Variants in JAML observed in about 807,000 individuals in gnomAD.
The protein encoded by JAML is junctional adhesion molecule-like.
In JAML, 25 loss-of-function variants were observed where a neutral mutation model predicts 39.3. The ratio of observed to expected loss-of-function variants is 0.64; its 90% confidence interval spans 0.46 to 0.89. JAML has a LOEUF of 0.89. Ranked by LOEUF, JAML falls within the 40% of genes least tolerant of loss-of-function variation. JAML has a pLI of 0.00. For synonymous variants in JAML, 162 were observed against 179.2 expected (o/e 0.90, Z 0.77); for missense variants, 440 against 486.9 (o/e 0.90, Z 0.91).
intron 1 of JAML, among the ~76,000 whole-genome samples, chr11:118,217,015 C>T (rs537940705): frequency 2.6e-4 from 40 of 152,308 alleles, no homozygotes; most frequent in African/African-American, 9.4e-4. Flanking sequence ...GTTGTGCTCC[C>T]TCCTCTGCCC....
chr11:118,195,877 G>C lies in JAML; in HGVS notation c.1092+858C>G, dbSNP rs1021640079. Among the ~76,000 whole-genome samples, 5 of 152,246 alleles carry C rather than the reference G, an allele frequency of 3.3e-5. 1 individual carries two copies. On this transcript the variant is annotated intron_variant, in intron 9 of 9. Coordinates refer to ENST00000356289, the MANE Select transcript of JAML (RefSeq NM_001098526.2). ...ACAGGAGTCTCGCTCTGTTTCCCAG[G>C]CTGGAGTGCAGTGGCGCGATCTTAG...
At position 118,214,846 on chromosome 11, in the gene JAML, G is replaced by A; in HGVS notation, c.21C>T (p.Leu7=). The part of the protein sequence containing the change: MFCPLK[L]ILLPVLLDYS... ...TACCCAGTAACACTGGCAGCAGGAT[G>A]AGTTTCAGTGGGCAAAACATGCTGC... is the stretch of plus-strand genomic sequence containing the variant. The change falls in exon 2 of 10, where the codon CTC becomes CTT. Residue 7 remains leucine (L), a synonymous_variant. Coordinates refer to ENST00000356289, the MANE Select transcript of JAML (RefSeq NM_001098526.2). The A allele has an allele frequency of 6.2e-7, 1 of 1,614,132 alleles. No individual in the cohort carries two copies. The highest frequency in any genetic ancestry group is 8.5e-7 in the Non-Finnish European group (1 of 1,179,992).
rs1948698989 is a variant in JAML, at chr11:118,198,098, G to C, written c.912-7C>G. 6.2e-7 allele frequency: 1 copy of C among 1,611,904 alleles called. No homozygotes were observed. Among genetic ancestry groups the C allele is most frequent in the Non-Finnish European group, 8.5e-7 (1 of 1,178,196 alleles). ...GACTGTAGAATTCACTGAACTGCAA[G>C]ACATGAAAAGCATGTGGAATTAACC... On this transcript the variant is annotated splice_region_variant and splice_polypyrimidine_tract_variant and intron_variant, in intron 7 of 9. Coordinates refer to ENST00000356289, the MANE Select transcript of JAML (RefSeq NM_001098526.2).
intron 2 of JAML, 44 bp from the exon 3 acceptor site, chr11:118,212,605 C>G (rs1325691499): frequency 6.2e-7 from 1 of 1,600,972 alleles, no homozygotes; most frequent in South Asian, 1.1e-5. Context: ...TAGACAAATA[C>G]TCTCAACAAC....
intron 5 of JAML, chr11:118,204,859 A>T (rs1948884776): frequency 2.0e-5 from 3 of 152,214 alleles, no homozygotes; most frequent in Admixed American, 2.0e-4. Flanking sequence ...TATTGGCATT[A>T]AAAAAAGCCA....
chr11:118,207,874 CT>C (rs1158796434), intron 4 of JAML, among the ~76,000 whole-genome samples: 1 of 152,170 alleles, frequency 6.6e-6, no homozygotes, highest in Non-Finnish European at 1.5e-5. Context: ...CCCTCTGTGT[CT>C]CTTCTAAGCA....
Position 118,222,187 on chromosome 11 carries a change from G to A in JAML, c.-21+2754C>T, listed in dbSNP as rs1007423724. ...TCCTAGCACTTTGAGAGGCCAAGGT[G>A]GACAGATCGCTTGAGCCCAGGAGTT... On this transcript the variant is annotated intron_variant, in intron 1 of 9. Transcript: ENST00000356289. The surrounding 1 kb of genome is among the most constrained non-coding windows in gnomAD (Gnocchi z 4.2). Among the ~76,000 whole-genome samples the A allele has an allele frequency of 3.9e-5, 6 of 152,244 alleles. No homozygotes were observed. The highest frequency in any genetic ancestry group is 1.4e-4 in the African/African-American group (6 of 41,544).
chr11:118,207,831 T>C (rs1006108550), intron 4 of JAML, among the ~76,000 whole-genome samples: 1 of 152,152 alleles, frequency 6.6e-6, no homozygotes, highest in Non-Finnish European at 1.5e-5. Flanking sequence ...TTTCCATGGA[T>C]TCCTCAGCTC....
chr11:118,203,646 T>C lies in JAML; in HGVS notation c.554A>G (p.Tyr185Cys), dbSNP rs1366784689. The change falls in exon 6 of 10, where the codon TAC becomes TGC. Residue 185 changes from tyrosine to cysteine, a missense_variant. Physicochemically the swap from Tyr to Cys is radical, Grantham distance 194. Transcript: ENST00000356289. ...RRAKEEIVFR[Y>C]YHKLRMSVEY... Reference sequence around the variant, plus strand: ...CACAGACATCCTGAGTTTGTGGTAGTAACGAAATACAATCTCCTCCTAGAA... The same window carrying C: ...CACAGACATCCTGAGTTTGTGGTAGCAACGAAATACAATCTCCTCCTAGAA... The C allele has an allele frequency of 6.2e-7, 1 of 1,613,076 alleles. No homozygotes were observed. The highest frequency in any genetic ancestry group is 1.3e-5 in the African/African-American group (1 of 74,958).
intron 9 of JAML, among the ~76,000 whole-genome samples, chr11:118,196,391 G>T (rs902444607): frequency 6.6e-6 from 1 of 152,112 alleles, no homozygotes; most frequent in African/African-American, 2.4e-5. Flanking sequence ...GCCTCCCAAA[G>T]TGCTGGGATT....
chr11:118,195,286 AT>A (rs1948628282), intron 9 of JAML, among the ~76,000 whole-genome samples: 1 of 152,154 alleles, frequency 6.6e-6, no homozygotes, highest in African/African-American at 2.4e-5. Flanking sequence ...GGTGGAGTTA[AT>A]GTTTCACTCG....
At chr11:118,210,763 G>GA in intron 3 of JAML, 51 bp from the exon 4 acceptor site, 1 of 1,489,432 alleles carries the variant, frequency 6.7e-7, no homozygotes, top group Admixed American at 1.7e-5. Flanking sequence ...CCAGACCGAG[G>GA]AGCCTGGATC....
chr11:118,205,383 C>CCAGGAT (rs1487148916), intron 5 of JAML: 1 of 155,070 alleles, frequency 6.4e-6, no homozygotes, highest in Non-Finnish European at 1.4e-5. Context: ...ACCCTGGCCC[C>CCAGGAT]CAGGATCAAT....
chr11:118,194,500 T>G (rs1385875709), intron 9 of JAML, 83 bp from the exon 10 acceptor site: 42 of 1,077,780 alleles, frequency 3.9e-5, no homozygotes, highest in Non-Finnish European at 5.7e-5. Flanking sequence ...CATTGAGCTC[T>G]TCTCATGAGC....
intron 6 of JAML, chr11:118,202,362 G>A (rs1374322796): frequency 6.5e-6 from 1 of 153,378 alleles, no homozygotes; most frequent in African/African-American, 2.4e-5. Flanking sequence ...ATAGAATGGA[G>A]CTGGAGTAAT....
chr11:118,224,432 A>G (rs558123008), intron 1 of JAML, among the ~76,000 whole-genome samples: 2 of 152,366 alleles, frequency 1.3e-5, no homozygotes, highest in African/African-American at 2.4e-5. Context: ...AAACAGTGGT[A>G]TAACTATGTA....
At chr11:118,216,554 T>C (rs1407340299) in intron 1 of JAML, among the ~76,000 whole-genome samples, 1 of 152,082 alleles carries the variant, frequency 6.6e-6, no homozygotes, top group Non-Finnish European at 1.5e-5. Context: ...GGATTGATAA[T>C]GAAAGGATCT....
chr11:118,212,786 G>A (rs994969733), intron 2 of JAML: 2 of 1,600,640 alleles, frequency 1.2e-6, no homozygotes, highest in East Asian at 2.2e-5. Flanking sequence ...AATGCTATCT[G>A]GCTCCCTCCT....
rs1948699213 is a variant in JAML at position 118,198,106 on chromosome 11, A to G, written c.912-15T>C. Reference sequence around the variant, plus strand: ...AATTCACTGAACTGCAAGACATGAAAAGCATGTGGAATTAACCAGCGGGCA... The same window carrying G: ...AATTCACTGAACTGCAAGACATGAAGAGCATGTGGAATTAACCAGCGGGCA... On this transcript the variant is annotated splice_polypyrimidine_tract_variant and intron_variant, in intron 7 of 9. Coordinates refer to ENST00000356289, the MANE Select transcript of JAML (RefSeq NM_001098526.2). 1 of 1,608,296 alleles carries G rather than the reference A, an allele frequency of 6.2e-7. No homozygotes were observed. The highest frequency in any genetic ancestry group is 1.3e-5 in the African/African-American group (1 of 74,752).
Sources: gnomAD v4.1 joint callset for allele counts (sites outside exome capture counted in the v4.1 genomes callset) on GRCh38, gnomAD v4.1.1 for gene constraint, Gnocchi (gnomAD v3.1) non-coding constraint, MANE v1.5 for transcripts, NCBI Gene and HGNC (gene_info 2026-07-23, HGNC 2026-07-21) for gene names.